The following WNT2 variants were observed in gnomAD, a reference collection of about 807,000 sequenced individuals.
WNT2 encodes protein Wnt-2.
Under a neutral mutation model 36.9 loss-of-function variants are expected in WNT2, and 12 were observed. That is an observed-to-expected ratio of 0.33 (90% CI 0.21 to 0.53). WNT2 has a LOEUF of 0.53. WNT2 is among the 20% of genes least tolerant of loss of function. The pLI is 0.95. For synonymous variants in WNT2, 163 were observed against 174.6 expected (o/e 0.93, Z 0.52); for missense variants, 379 against 473.1 (o/e 0.80, Z 1.84).
intron 3 of WNT2, among the ~76,000 whole-genome samples, chr7:117,303,220 A>T (rs1794941187): frequency 6.6e-6 from 1 of 152,190 alleles, no homozygotes; most frequent in Non-Finnish European, 1.5e-5. Context: ...AAACCCCTGC[A>T]CCGTGGCGGG....
intron 1 of WNT2, 100 bp from the exon 2 acceptor site, chr7:117,320,893 A>G: frequency 9.9e-7 from 1 of 1,005,878 alleles, no homozygotes. Context: ...CTTTTCAAAT[A>G]TGAATTCCTT....
rs752689950 is a variant in WNT2 at position 117,320,796 on chromosome 7, A to G, written c.84-3T>C. ...AGCCACCTGTAGCTCTCATGTACCT[A>G]TAAGGGACCAACCAACACAGAGGTG... On this transcript the variant is annotated splice_region_variant and splice_polypyrimidine_tract_variant and intron_variant, in intron 1 of 4. Coordinates refer to ENST00000265441, the MANE Select transcript of WNT2 (RefSeq NM_003391.3). 6 of 1,605,534 alleles carry G rather than the reference A, an allele frequency of 3.7e-6. No homozygotes were observed. Among genetic ancestry groups the G allele is most frequent in the East Asian group, 2.2e-5 (1 of 44,790 alleles).
At chr7:117,315,486 G>C in intron 2 of WNT2, 138 bp from the exon 3 acceptor site, 1 of 923,390 alleles carries the variant, frequency 1.1e-6, no homozygotes, top group Non-Finnish European at 1.6e-6. Context: ...TTCTTGAAGG[G>C]TTCTTTTCTA....
chr7:117,288,522 G>A (rs988717542), intron 4 of WNT2, among the ~76,000 whole-genome samples: 4 of 152,140 alleles, frequency 2.6e-5, no homozygotes, highest in Non-Finnish European at 5.9e-5. Context: ...AAGCAAATTT[G>A]TTATTTTAAA....
chr7:117,311,128 C>G (rs756780889), intron 3 of WNT2, among the ~76,000 whole-genome samples: 12 of 152,184 alleles, frequency 7.9e-5, no homozygotes, highest in Non-Finnish European at 1.6e-4. Flanking sequence ...TGCGAATCCT[C>G]CAAAAAGAAG....
At chr7:117,300,944 G>A (rs1794892875) in intron 3 of WNT2, 1 of 152,272 alleles carries the variant, frequency 6.6e-6, no homozygotes, top group African/African-American at 2.4e-5. Context: ...CTTGACAGAT[G>A]TGAAGATCTG....
intron 2 of WNT2, 97 bp from the exon 3 acceptor site, chr7:117,315,445 A>G (rs1309412567): frequency 5.4e-6 from 7 of 1,285,486 alleles, no homozygotes; most frequent in African/African-American, 1.5e-5. Context: ...GTTTCAGACA[A>G]CCTTTGCCAC....
At chr7:117,301,076 CT>C (rs1319503968) in intron 3 of WNT2, 2 of 152,100 alleles carry the variant, frequency 1.3e-5, no homozygotes, top group Non-Finnish European at 2.9e-5. Flanking sequence ...GGATCTGTTA[CT>C]TGTAGCAGAA....
chr7:117,309,250 C>A (rs943450404), intron 3 of WNT2, among the ~76,000 whole-genome samples: 31 of 152,070 alleles, frequency 2.0e-4, no homozygotes, highest in African/African-American at 7.5e-4. Context: ...GTTTTACTTA[C>A]ATGTAGTACA....
chr7:117,307,926 C>T (rs1173657701), intron 3 of WNT2, among the ~76,000 whole-genome samples: 2 of 152,180 alleles, frequency 1.3e-5, no homozygotes, highest in Non-Finnish European at 2.9e-5. Flanking sequence ...TAAACTTGAG[C>T]ATTTGAAGAA....
At position 117,297,694 on chromosome 7, in the gene WNT2, G is replaced by A. The variant is rs138598663; in HGVS notation, c.771C>T (p.Asn257=). 30 of 1,613,940 alleles carry A rather than the reference G, an allele frequency of 1.9e-5. No homozygotes were observed. Among genetic ancestry groups the A allele is most frequent in the African/African-American group, 1.2e-4 (9 of 74,900 alleles). The change falls in exon 4 of 5, where the codon AAC becomes AAT. Residue 257 remains asparagine (N), a synonymous_variant. Transcript: ENST00000265441. ...NQDGTGFTVA[N]ERFKKPTKND... ...TTTTCGTTGGCTTCTTAAACCTCTC[G>A]TTAGCCACAGTGAAACCTGTGCCAT... is the stretch of plus-strand genomic sequence containing the variant.
intron 3 of WNT2, among the ~76,000 whole-genome samples, chr7:117,310,324 GA>G (rs1231321985): frequency 6.6e-6 from 1 of 152,050 alleles, no homozygotes; most frequent in Non-Finnish European, 1.5e-5. Flanking sequence ...CTAGCACTTT[GA>G]GAGGACAAGT....
chr7:117,292,180 G>A (rs960039597), intron 4 of WNT2, among the ~76,000 whole-genome samples: 1 of 152,088 alleles, frequency 6.6e-6, no homozygotes, highest in Non-Finnish European at 1.5e-5. Context: ...AAATGTGGGT[G>A]AAGCTTGATT....
Position 117,320,372 on chromosome 7 carries a change from C to G in WNT2, c.310+195G>C. The G allele has an allele frequency of 8.3e-6, 5 of 603,068 alleles. No individual in the cohort carries two copies. In the South Asian group the frequency reaches 1.0e-4, roughly 12 times the overall value. The allele number at this position is 603,068 out of a possible 1,614,324, so 37.4% of individuals were successfully genotyped here. A position where few individuals can be genotyped will look rare whatever the true frequency, so the allele number is the denominator to read the frequency against. The stretch of plus-strand genomic sequence containing the variant: ...GGGGTTCTACTTCTTCCTTTTGATT[C>G]ACCTCTTACAAACCTCTAGACATGT... On this transcript the variant is annotated intron_variant, in intron 2 of 4. Transcript: ENST00000265441.
chr7:117,303,048 T>G (rs1238183430), intron 3 of WNT2, among the ~76,000 whole-genome samples: 1 of 152,120 alleles, frequency 6.6e-6, no homozygotes, highest in African/African-American at 2.4e-5. Flanking sequence ...TAAAATCACC[T>G]GGGGATCATT....
intron 3 of WNT2, among the ~76,000 whole-genome samples, chr7:117,310,334 G>A (rs967144807): frequency 1.3e-5 from 2 of 152,090 alleles, no homozygotes; most frequent in African/African-American, 2.4e-5. Context: ...GAGAGGACAA[G>A]TTGGGCAGAT....
In WNT2 at chr7:117,306,727, C is replaced by T. The variant is rs529038667; in HGVS notation, c.588+8344G>A. On this transcript the variant is annotated intron_variant, in intron 3 of 4. Coordinates refer to ENST00000265441, the MANE Select transcript of WNT2 (RefSeq NM_003391.3). ...ATTCTTAATCAGTCCCCACTCCTCC[C>T]CATGTGCCTTAATCCCATCTAAGTT... 5.9e-5 allele frequency among the ~76,000 whole-genome samples: 9 copies of T among 152,300 alleles called. No individual in the cohort carries two copies. The South Asian group carries it at 8.3e-4, about 14-fold the overall frequency.
At chr7:117,304,664 GA>G (rs1794981271) in intron 3 of WNT2, among the ~76,000 whole-genome samples, 1 of 152,114 alleles carries the variant, frequency 6.6e-6, no homozygotes, top group Non-Finnish European at 1.5e-5. Context: ...TTGAACTCCT[GA>G]CCTCAGATGA....
At chr7:117,300,339 AC>A (rs1298239521) in intron 3 of WNT2, among the ~76,000 whole-genome samples, 2 of 152,142 alleles carry the variant, frequency 1.3e-5, no homozygotes, top group Non-Finnish European at 2.9e-5. Context: ...GGCGCGGGTC[AC>A]CACGCCTGGC....
Sources: gnomAD v4.1 joint callset for allele counts (sites outside exome capture counted in the v4.1 genomes callset) on GRCh38, gnomAD v4.1.1 for gene constraint, MANE v1.5 for transcripts, NCBI Gene and HGNC (gene_info 2026-07-23, HGNC 2026-07-21) for gene names.